TFEB: variants seen among roughly 807,000 people sequenced by gnomAD.
TFEB encodes the protein T-cell transcription factor EB.
Under a neutral mutation model 48.0 loss-of-function variants are expected in TFEB, and 12 were observed. The ratio of observed to expected loss-of-function variants is 0.25; its 90% confidence interval spans 0.16 to 0.40. The LOEUF is 0.40. TFEB is among the 10% of genes least tolerant of loss of function. TFEB has a pLI of 1.00. For synonymous variants in TFEB, 244 were observed against 261.4 expected (o/e 0.93, Z 0.64); for missense variants, 509 against 640.3 (o/e 0.79, Z 2.21).
chr6:41,736,082 G>A (rs1331502198), upstream of TFEB: 1 of 1,606,170 alleles, frequency 6.2e-7, no homozygotes, highest in Non-Finnish European at 8.5e-7. Flanking sequence ...GAAGTACAGG[G>A]TAAAATATGA....
chr6:41,703,251 C>T (rs766094266), intron 1 of TFEB, among the ~76,000 whole-genome samples: 4 of 152,240 alleles, frequency 2.6e-5, no homozygotes, highest in Non-Finnish European at 4.4e-5. Flanking sequence ...GGGCACACAG[C>T]GGGCATGCAG....
In TFEB at chr6:41,723,577, C is replaced by G; in HGVS notation, c.-23+11773G>C. 1.6e-6 allele frequency: 2 copies of G among 1,247,300 alleles called. No individual in the cohort carries two copies. Among genetic ancestry groups the G allele is most frequent in the Non-Finnish European group, 2.1e-6 (2 of 968,620 alleles). The allele number at this position is 1,247,300 out of a possible 1,614,324, so 77.3% of individuals were successfully genotyped here. A position where few individuals can be genotyped will look rare whatever the true frequency, so the allele number is the denominator to read the frequency against. On this transcript the variant is annotated intron_variant, in intron 1 of 8. Coordinates refer to ENST00000373033, the MANE Select transcript of TFEB (RefSeq NM_001271944.2). The surrounding 1 kb of genome is among the most constrained non-coding windows in gnomAD (Gnocchi z 6.0). The stretch of plus-strand genomic sequence containing the variant: ...GGGCTCAGTTTCCTCATTTCCCCGG[C>G]GGCTGCTGTTTCTCACCCAGCCCCC...
intron 1 of TFEB, among the ~76,000 whole-genome samples, chr6:41,728,977 T>C (rs1416668526): frequency 6.6e-6 from 1 of 152,092 alleles, no homozygotes; most frequent in African/African-American, 2.4e-5. Flanking sequence ...GCAGCCACTA[T>C]ATATGAGGCT....
intron 1 of TFEB, among the ~76,000 whole-genome samples, chr6:41,722,629 T>A (rs972060744): frequency 2.6e-5 from 4 of 152,222 alleles, no homozygotes; most frequent in African/African-American, 9.6e-5. Context: ...ATGGGGTGAC[T>A]GAGGGTGAAG....
chr6:41,712,893 C>T (rs1770546735), intron 1 of TFEB, among the ~76,000 whole-genome samples: 1 of 152,220 alleles, frequency 6.6e-6, no homozygotes, highest in South Asian at 2.1e-4. Flanking sequence ...ACCACCCACT[C>T]CCCCACCCGG....
In TFEB at chr6:41,687,074, C is replaced by G; in HGVS notation, c.803+20G>C. 1 of 1,612,844 alleles carries G rather than the reference C, an allele frequency of 6.2e-7. No homozygotes were observed. The highest frequency in any genetic ancestry group is 2.2e-5 in the East Asian group (1 of 44,888). ...CTGCCCACCCAGACCCATCACCCTC[C>G]CCCTCAGAAACCTGCTCACAGGTCA... On this transcript the variant is annotated intron_variant, in intron 7 of 8. Coordinates refer to ENST00000373033, the MANE Select transcript of TFEB (RefSeq NM_001271944.2).
intron 1 of TFEB, among the ~76,000 whole-genome samples, chr6:41,714,127 G>T (rs555273513): frequency 8.3e-6 from 1 of 120,034 alleles, no homozygotes. Context: ...GTGTGTGTGC[G>T]TGTGCATGTG....
chr6:41,714,115 G>GCA (rs1770606833), intron 1 of TFEB, among the ~76,000 whole-genome samples: 1 of 143,218 alleles, frequency 7.0e-6, no homozygotes, highest in Non-Finnish European at 1.5e-5. Context: ...GTGCACGTGT[G>GCA]TGTGTGTGTG....
chr6:41,734,867 T>G lies in TFEB; in HGVS notation c.-23+483A>C, dbSNP rs1771608928. The G allele has an allele frequency of 1.0e-6, 1 of 975,800 alleles. No homozygotes were observed. The highest frequency in any genetic ancestry group is 1.8e-5 in the African/African-American group (1 of 54,752). The allele number at this position is 975,800 out of a possible 1,614,324, so 60.4% of individuals were successfully genotyped here. A position where few individuals can be genotyped will look rare whatever the true frequency, so the allele number is the denominator to read the frequency against. ...GGCCCTCCCACTCCCCCCGCTGGCCTGGCCAGACTCAGCCCCCGCACACCT... is the reference window on the plus strand; with the variant it reads ...GGCCCTCCCACTCCCCCCGCTGGCCGGGCCAGACTCAGCCCCCGCACACCT... On this transcript the variant is annotated intron_variant, in intron 1 of 8. Transcript: ENST00000373033. This position sits in a 1 kb window ranked among gnomAD's most constrained non-coding sequence, Gnocchi z 4.0.
At chr6:41,703,528 C>T (rs982621918) in intron 1 of TFEB, among the ~76,000 whole-genome samples, 1 of 152,200 alleles carries the variant, frequency 6.6e-6, no homozygotes, top group Non-Finnish European at 1.5e-5. Context: ...AGAACGATTC[C>T]CTGGCTTTGT....
chr6:41,734,344 C>G lies in TFEB; in HGVS notation c.-23+1006G>C. 1 of 984,718 alleles carries G rather than the reference C, an allele frequency of 1.0e-6. No homozygotes were observed. Among genetic ancestry groups the G allele is most frequent in the Non-Finnish European group, 1.2e-6 (1 of 829,622 alleles). The allele number at this position is 984,718 out of a possible 1,614,324, so 61.0% of individuals were successfully genotyped here. On this transcript the variant is annotated intron_variant, in intron 1 of 8. Transcript: ENST00000373033. This position sits in a 1 kb window ranked among gnomAD's most constrained non-coding sequence, Gnocchi z 4.0. ...CGCGGGGCTGGGGCGCGCCAGGCGG[C>G]TGCGGCGCGAACCTGCTCGCGCAGC...
In TFEB at chr6:41,684,010, T is replaced by A. The variant is rs1363555655; in HGVS notation, c.*589A>T. 1 of 222,998 alleles carries A rather than the reference T, an allele frequency of 4.5e-6. No individual in the cohort carries two copies. The highest frequency in any genetic ancestry group is 5.7e-5 in the Admixed American group (1 of 17,410). The allele number at this position is 222,998 out of a possible 1,614,324, so 13.8% of individuals were successfully genotyped here. ...CACAGTGTTTACTAAAGGCACAAAG[T>A]GAGGGGTCGGAGGGCAGCTGCTCTT... On this transcript the variant is annotated 3_prime_UTR_variant, in exon 9 of 9. Transcript: ENST00000373033.
intron 4 of TFEB, 69 bp downstream of exon 4, chr6:41,689,662 C>T: frequency 3.1e-6 from 4 of 1,282,358 alleles, no homozygotes; most frequent in Non-Finnish European, 3.4e-6. Flanking sequence ...TCTCTCCAGG[C>T]TCAGAGCCAC....
chr6:41,733,843 C>T (rs1288842001), intron 1 of TFEB: 14 of 985,558 alleles, frequency 1.4e-5, no homozygotes, highest in Non-Finnish European at 1.7e-5. Context: ...TAACCGAGCG[C>T]ATCCGCATCT....
chr6:41,717,747 G>C (rs1268169058), intron 1 of TFEB, among the ~76,000 whole-genome samples: 1 of 152,192 alleles, frequency 6.6e-6, no homozygotes, highest in African/African-American at 2.4e-5. Flanking sequence ...ACTTCTCTGA[G>C]GACAAAGGAA....
intron 1 of TFEB, among the ~76,000 whole-genome samples, chr6:41,702,909 G>A (rs1770007958): frequency 6.6e-6 from 1 of 152,258 alleles, no homozygotes; most frequent in East Asian, 1.9e-4. Flanking sequence ...CAGAGGCTGT[G>A]TGGGACCTCT....
chr6:41,689,548 C>T (rs1032385558), intron 4 of TFEB, among the ~76,000 whole-genome samples, 183 bp downstream of exon 4: 2 of 152,194 alleles, frequency 1.3e-5, no homozygotes, highest in Non-Finnish European at 2.9e-5. Flanking sequence ...ATCCTTCTTG[C>T]TTCATAATTC....
At chr6:41,700,632 G>C (rs1769868875) in intron 1 of TFEB, among the ~76,000 whole-genome samples, 1 of 152,202 alleles carries the variant, frequency 6.6e-6, no homozygotes, top group Non-Finnish European at 1.5e-5. Flanking sequence ...CGCTGCGGGA[G>C]ACTGCAGGGC....
At position 41,724,579 on chromosome 6, in the gene TFEB, G is replaced by T. The variant is rs913347074; in HGVS notation, c.-23+10771C>A. On this transcript the variant is annotated intron_variant, in intron 1 of 8. Transcript: ENST00000373033. This position sits in a 1 kb window ranked among gnomAD's most constrained non-coding sequence, Gnocchi z 4.4. ...GACACAAAGGATGAGTAGGAGCCAG[G>T]CCTGGGTGTGCAGAGCCCCCAGGGA... Among the ~76,000 whole-genome samples the T allele has an allele frequency of 6.6e-6, 1 of 152,112 alleles. No individual in the cohort carries two copies. Among genetic ancestry groups the T allele is most frequent in the African/African-American group, 2.4e-5 (1 of 41,440 alleles).
Sources: allele counts gnomAD v4.1 joint callset (sites outside exome capture counted in the v4.1 genomes callset), GRCh38; gene constraint gnomAD v4.1.1; non-coding constraint Gnocchi (gnomAD v3.1); transcripts MANE v1.5; gene names NCBI Gene and HGNC (gene_info 2026-07-23, HGNC 2026-07-21).